The following UBE2R2 variants were observed in gnomAD, a reference collection of about 807,000 sequenced individuals.
The protein encoded by UBE2R2 is ubiquitin conjugating enzyme E2 R2.
Under a neutral mutation model 27.8 loss-of-function variants are expected in UBE2R2, and 1 was observed. That is an observed-to-expected ratio of 0.04 (90% confidence interval 0.01 to 0.17). The LOEUF (loss-of-function observed/expected upper bound fraction) is 0.17. Ranked by LOEUF, UBE2R2 falls within the 10% of genes least tolerant of loss-of-function variation. The pLI, the probability that UBE2R2 is intolerant of heterozygous loss-of-function variation, is 1.00. For synonymous variants in UBE2R2, 106 were observed against 113.3 expected, an observed-to-expected ratio of 0.94 and a Z score of 0.41; for missense variants, 100 against 291.0, an observed-to-expected ratio of 0.34 and a Z score of 4.78.
At chr9:33,840,881 A>C (rs971361034) in intron 1 of UBE2R2, among the ~76,000 whole-genome samples, 1 of 152,092 alleles carries the variant, frequency 6.6e-6, no homozygotes, top group African/African-American at 2.4e-5. Context: ...ATAGTGACTT[A>C]GTTCCCTATT....
chr9:33,888,701 G>A (rs904637769), intron 2 of UBE2R2, among the ~76,000 whole-genome samples: 1 of 152,182 alleles, frequency 6.6e-6, no homozygotes, highest in Non-Finnish European at 1.5e-5. Context: ...ATTTTTAGCA[G>A]AGACAGTGTT....
chr9:33,876,179 T>A (rs896566418), intron 1 of UBE2R2, among the ~76,000 whole-genome samples: 3 of 152,062 alleles, frequency 2.0e-5, no homozygotes, highest in African/African-American at 7.2e-5. Flanking sequence ...CTGACCAACA[T>A]GGTGAAACCC....
At chr9:33,853,071 G>A (rs1326428215) in intron 1 of UBE2R2, among the ~76,000 whole-genome samples, 1 of 152,020 alleles carries the variant, frequency 6.6e-6, no homozygotes, top group East Asian at 1.9e-4. Context: ...TAAGATGGAA[G>A]GCCCAACTGT....
At chr9:33,818,529 TAAAA>T (rs548358025) in intron 1 of UBE2R2, 52 of 98,670 alleles carry the variant, frequency 5.3e-4, no homozygotes, top group Admixed American at 1.5e-3. Context: ...CTAGGGGTGG[TAAAA>T]AAAAAAAAAA....
Position 33,917,133 on chromosome 9 carries a change from T to G in UBE2R2, c.613T>G (p.Leu205Val). ...KVPSNDNSSD[L>V]LYDDLYDDDI... ...GCCTTCCAATGACAACAGCTCAGAT[T>G]TGCTTTACGACGACTTGTATGATGA... Residue 205 changes from leucine to valine, a missense_variant, in exon 5 of 5, where the codon TTG becomes GTG. Leu to Val is a conservative substitution (Grantham distance 32). Transcript: ENST00000263228. 6.2e-7 allele frequency: 1 copy of G among 1,614,188 alleles called. No individual in the cohort carries two copies. The highest frequency in any genetic ancestry group is 1.1e-5 in the South Asian group (1 of 91,080).
At chr9:33,854,429 C>T (rs773199707) in intron 1 of UBE2R2, among the ~76,000 whole-genome samples, 7 of 151,968 alleles carry the variant, frequency 4.6e-5, no homozygotes, top group South Asian at 4.1e-4. Flanking sequence ...AAGCGATTCT[C>T]CTGCCTCAGC....
intron 2 of UBE2R2, among the ~76,000 whole-genome samples, chr9:33,890,164 C>A (rs1821946801): frequency 6.6e-6 from 1 of 152,040 alleles, no homozygotes. Flanking sequence ...CTATTTAGTT[C>A]TTTCAAGAGA....
intron 1 of UBE2R2, among the ~76,000 whole-genome samples, chr9:33,863,942 T>G (rs1821304238): frequency 6.6e-6 from 1 of 152,190 alleles, no homozygotes; most frequent in African/African-American, 2.4e-5. Context: ...TGCCTCAGCC[T>G]GCTGAGTAGC....
chr9:33,895,754 T>TTC (rs1164656567), intron 2 of UBE2R2, among the ~76,000 whole-genome samples: 24 of 149,266 alleles, frequency 1.6e-4, no homozygotes, highest in Admixed American at 6.8e-4. Flanking sequence ...ACTAGATTTA[T>TTC]TCTCTCTCTC....
intron 1 of UBE2R2, among the ~76,000 whole-genome samples, chr9:33,859,787 TGTGTGTGTGTGTGAGAGAGAGA>T (rs1447873872): frequency 9.2e-6 from 1 of 108,520 alleles, no homozygotes; most frequent in African/African-American, 3.2e-5. Context: ...TGTGTGTGTG[TGTGTGTGTGTGTGAGAGAGAGA>T]GAGAGAGAGA....
At chr9:33,901,912 C>CT (rs529372244) in intron 3 of UBE2R2, among the ~76,000 whole-genome samples, 4,006 of 132,254 alleles carry the variant, frequency 0.03, 168 homozygotes, top group African/African-American at 0.096. Flanking sequence ...TCTCATATTT[C>CT]TTTTTTTTTT....
chr9:33,829,793 G>GTTTTTT (rs36079457), intron 1 of UBE2R2, among the ~76,000 whole-genome samples: 2 of 97,146 alleles, frequency 2.1e-5, no homozygotes, highest in African/African-American at 3.8e-5. Flanking sequence ...TAGTGCAATC[G>GTTTTTT]TTTTTTTTTT....
At chr9:33,830,773 A>G (rs1820455278) in intron 1 of UBE2R2, among the ~76,000 whole-genome samples, 1 of 129,048 alleles carries the variant, frequency 7.7e-6, no homozygotes. Context: ...TCTCAAAGGA[A>G]AAAAAAAAAA....
chr9:33,840,926 A>G (rs1328033008), intron 1 of UBE2R2, among the ~76,000 whole-genome samples: 3 of 151,924 alleles, frequency 2.0e-5, no homozygotes, highest in African/African-American at 7.3e-5. Flanking sequence ...AATTTAATTT[A>G]ATTAATTAAT....
chr9:33,881,726 G>A (rs1442719337), intron 1 of UBE2R2, among the ~76,000 whole-genome samples: 1 of 152,132 alleles, frequency 6.6e-6, no homozygotes, highest in African/African-American at 2.4e-5. Flanking sequence ...AAGATGAAGT[G>A]CCTTACTTAC....
chr9:33,855,405 G>A (rs111410069), intron 1 of UBE2R2, among the ~76,000 whole-genome samples: 2,077 of 152,226 alleles, frequency 0.014, 27 homozygotes, highest in Non-Finnish European at 0.021. Flanking sequence ...TCTGGTTTTT[G>A]TCCATCTTTG....
At chr9:33,878,847 T>G (rs1341999938) in intron 1 of UBE2R2, among the ~76,000 whole-genome samples, 1 of 152,102 alleles carries the variant, frequency 6.6e-6, no homozygotes, top group Non-Finnish European at 1.5e-5. Context: ...CACAGGAAGA[T>G]TGTGAGTTAT....
intron 1 of UBE2R2, among the ~76,000 whole-genome samples, chr9:33,863,845 G>A (rs144981793): frequency 6.6e-4 from 100 of 151,894 alleles, no homozygotes; most frequent in Non-Finnish European, 1.3e-3. Flanking sequence ...GTACCACCAC[G>A]CCTGGCCAAT....
chr9:33,833,660 T>C (rs1205994659), intron 1 of UBE2R2, among the ~76,000 whole-genome samples: 1 of 152,350 alleles, frequency 6.6e-6, no homozygotes, highest in East Asian at 1.9e-4. Flanking sequence ...ATAATTACCA[T>C]TTTAACCATT....
Sources: gnomAD v4.1 joint callset for allele counts (sites outside exome capture counted in the v4.1 genomes callset) on GRCh38, gnomAD v4.1.1 for gene constraint, MANE v1.5 for transcripts, NCBI Gene and HGNC (gene_info 2026-07-23, HGNC 2026-07-21) for gene names.